STRADA: variants seen among roughly 807,000 people sequenced by gnomAD.
The protein encoded by STRADA is STE20-related kinase adapter protein alpha.
STRADA carries 26 observed loss-of-function variants against 55.0 expected under a neutral mutation model. That is an observed-to-expected ratio of 0.47 (90% CI 0.35 to 0.66). The LOEUF (loss-of-function observed/expected upper bound fraction) is 0.66, where lower values mean the gene tolerates loss of function less well. Among genes scored for constraint, STRADA ranks in the 30% least tolerant of loss-of-function variants. The pLI is 0.01. For missense variants in STRADA, 443 were observed against 549.7 expected (o/e 0.81, Z 1.94); for synonymous variants, 197 against 210.9 (o/e 0.93, Z 0.57).
At chr17:63,720,771 T>TA (rs777238779) in intron 4 of STRADA, among the ~76,000 whole-genome samples, 3,266 of 108,856 alleles carry the variant, frequency 0.03, 152 homozygotes, top group African/African-American at 0.1. Flanking sequence ...CGAGACTGTT[T>TA]AAAAAAAAAA....
intron 4 of STRADA, among the ~76,000 whole-genome samples, chr17:63,721,690 G>GAGTGAGT (rs1555703470): frequency 2.0e-5 from 3 of 151,498 alleles, no homozygotes; most frequent in Non-Finnish European, 4.4e-5. Flanking sequence ...CTCCAGCCTG[G>GAGTGAGT]GCAACAGAGT....
chr17:63,706,854 T>C lies in STRADA; in HGVS notation c.754-115A>G, dbSNP rs901605345. On this transcript the variant is annotated intron_variant, in intron 9 of 12. Transcript: ENST00000336174. The stretch of plus-strand genomic sequence containing the variant: ...TCCCCACATCAGGACCTGCTGCTAA[T>C]GACTCTCCTTGCCTGTGCTACTGAA... 6.6e-6 allele frequency: 5 copies of C among 753,370 alleles called. No individual in the cohort carries two copies. The East Asian group carries it at 7.7e-5, about 12-fold the overall frequency. The allele number at this position is 753,370 out of a possible 1,614,324, so 46.7% of individuals were successfully genotyped here. A position where few individuals can be genotyped will look rare whatever the true frequency, so the allele number is the denominator to read the frequency against.
At chr17:63,704,811 C>T in intron 10 of STRADA, 1 of 1,535,112 alleles carries the variant, frequency 6.5e-7, no homozygotes, top group Non-Finnish European at 8.7e-7. Context: ...AGGGGTTGCA[C>T]AAAAGTACCC....
intron 8 of STRADA, among the ~76,000 whole-genome samples, chr17:63,707,840 C>T (rs1421962589): frequency 1.3e-5 from 2 of 151,856 alleles, no homozygotes; most frequent in African/African-American, 4.8e-5. Context: ...ACACCATTCT[C>T]CTGCCTCAGC....
chr17:63,704,443 C>T lies in STRADA; in HGVS notation c.998G>A (p.Arg333Gln), dbSNP rs754413346. 3.2e-5 allele frequency: 51 copies of T among 1,610,204 alleles called. No individual in the cohort carries two copies. The highest frequency in any genetic ancestry group is 1.5e-4 in the Admixed American group (9 of 59,846). ...GGAGGGCGAGTCACCGTTGGAGGGCCGGGGGGTGCTGGTGGTCAGGCTGTC... is the reference window on the plus strand; with the variant it reads ...GGAGGGCGAGTCACCGTTGGAGGGCTGGGGGGTGCTGGTGGTCAGGCTGTC... ...LSDSLTTSTP[R>Q]PSNGDSPSHP... The change falls in exon 11 of 13, where the codon CGG (arginine) becomes CAG (glutamine). Residue 333 changes from arginine to glutamine, a missense_variant. Transcript: ENST00000336174.
At chr17:63,739,749 A>G (rs2038729152) in intron 1 of STRADA, among the ~76,000 whole-genome samples, 1 of 146,102 alleles carries the variant, frequency 6.8e-6, no homozygotes, top group African/African-American at 2.5e-5. Context: ...ACATATTGAT[A>G]CATTATATAT....
At position 63,706,666 on chromosome 17, in the gene STRADA, T is replaced by C. The variant is rs753176642; in HGVS notation, c.827A>G (p.His276Arg). 1 of 1,614,008 alleles carries C rather than the reference T, an allele frequency of 6.2e-7. No homozygotes were observed. The highest frequency in any genetic ancestry group is 8.5e-7 in the Non-Finnish European group (1 of 1,179,886). ...GGCAGGCATATCCTTAAAGGGGACA[T>C]GGCCGTTGGCCAGTTCACAGGCTGT... The part of the protein sequence containing the change: ...GITACELANG[H>R]VPFKDMPATQ... Residue 276 changes from histidine (H) to arginine (R), a missense_variant, in exon 10 of 13, where the codon CAT (histidine) becomes CGT (arginine). Coordinates refer to ENST00000336174, the MANE Select transcript of STRADA (RefSeq NM_001003787.4).
At chr17:63,731,990 G>A (rs1319181129) in intron 1 of STRADA, among the ~76,000 whole-genome samples, 1 of 151,952 alleles carries the variant, frequency 6.6e-6, no homozygotes, top group Non-Finnish European at 1.5e-5. Flanking sequence ...TCAGCCTCCT[G>A]AGTAGCTGGG....
chr17:63,739,118 G>A (rs1444059838), intron 1 of STRADA, among the ~76,000 whole-genome samples: 8 of 138,384 alleles, frequency 5.8e-5, no homozygotes, highest in Admixed American at 4.6e-4. Context: ...TCCAGCCTGG[G>A]CAACAGAGCG....
intron 1 of STRADA, among the ~76,000 whole-genome samples, chr17:63,739,940 C>G (rs1467000864): frequency 6.8e-6 from 1 of 147,038 alleles, no homozygotes. Flanking sequence ...TGACTGGCTC[C>G]GGCAGTGCAC....
intron 4 of STRADA, chr17:63,717,048 T>C (rs940564640): frequency 2.6e-5 from 4 of 152,208 alleles, no homozygotes; most frequent in Non-Finnish European, 4.4e-5. Flanking sequence ...TTAGATGAGA[T>C]AAAATATGTT....
chr17:63,715,648 C>T (rs2036823305), intron 4 of STRADA: 1 of 152,142 alleles, frequency 6.6e-6, no homozygotes, highest in Non-Finnish European at 1.5e-5. Context: ...GTTGATGCTG[C>T]TGATGGGGAA....
At chr17:63,713,948 A>C in intron 5 of STRADA, 58 bp downstream of exon 5, 1 of 1,400,860 alleles carries the variant, frequency 7.1e-7, no homozygotes, top group Non-Finnish European at 1.0e-6. Context: ...GCTGCTGAGA[A>C]AGCTGCAGCA....
chr17:63,740,107 T>TATATATATATATATATATATACACACAC (rs1309095081), intron 1 of STRADA, among the ~76,000 whole-genome samples: 6 of 49,646 alleles, frequency 1.2e-4, no homozygotes, highest in Admixed American at 2.0e-4. Context: ...TATATATATA[T>TATATATATATATATATATATACACACAC]ACATACATAC....
chr17:63,703,792 C>T, intron 12 of STRADA, 41 bp from the exon 13 acceptor site: 2 of 1,610,476 alleles, frequency 1.2e-6, no homozygotes, highest in Non-Finnish European at 1.7e-6. Context: ...TCCTGTTGCT[C>T]TGGGTCCCAG....
rs1032063778 is a variant in STRADA at position 63,738,399 on chromosome 17, G to T, written c.-45+3342C>A. On this transcript the variant is annotated intron_variant, in intron 1 of 12. Transcript: ENST00000336174. Reference sequence around the variant, plus strand: ...AATGAAAAAAAGAAAAAGTTGGGAGGCAGTGAGGAGGGGGTGGTGTGAGAT... The same window carrying T: ...AATGAAAAAAAGAAAAAGTTGGGAGTCAGTGAGGAGGGGGTGGTGTGAGAT... Among the ~76,000 whole-genome samples the T allele has an allele frequency of 1.8e-4, 28 of 151,854 alleles. 1 individual carries two copies. Among genetic ancestry groups the T allele is most frequent in the African/African-American group, 6.5e-4 (27 of 41,390 alleles).
chr17:63,729,722 G>A (rs979821311), intron 1 of STRADA, among the ~76,000 whole-genome samples: 2 of 151,842 alleles, frequency 1.3e-5, no homozygotes, highest in Non-Finnish European at 2.9e-5. Flanking sequence ...CCAGGAGGCA[G>A]AGGTTGCAGT....
chr17:63,720,704 G>A (rs1288902692), intron 4 of STRADA, among the ~76,000 whole-genome samples: 2 of 151,410 alleles, frequency 1.3e-5, no homozygotes, highest in African/African-American at 4.9e-5. Context: ...AACCCGGGGA[G>A]GCAGAGCTTG....
upstream of STRADA, chr17:63,741,953 G>C (rs1405862363): frequency 6.6e-6 from 1 of 152,208 alleles, no homozygotes; most frequent in Non-Finnish European, 1.5e-5. Flanking sequence ...GCAGGCCCTA[G>C]CAGCCGCCGC....
Sources: gnomAD v4.1 joint callset for allele counts (sites outside exome capture counted in the v4.1 genomes callset) on GRCh38, gnomAD v4.1.1 for gene constraint, MANE v1.5 for transcripts, NCBI Gene and HGNC (gene_info 2026-07-23, HGNC 2026-07-21) for gene names.